MORN4: variants seen among roughly 807,000 people sequenced by gnomAD.
The protein encoded by MORN4 is MORN repeat-containing protein 4.
A neutral mutation model predicts 16.4 loss-of-function variants in MORN4; 8 were observed. That is an observed-to-expected ratio of 0.49 (90% CI 0.29 to 0.88). MORN4 has a LOEUF of 0.88. Ranked by LOEUF, MORN4 falls within the 40% of genes least tolerant of loss-of-function variation. The pLI, the probability that MORN4 is intolerant of heterozygous loss-of-function variation, is 0.09. For synonymous variants in MORN4, 53 were observed against 68.9 expected (o/e 0.77, Z 1.14); for missense variants, 159 against 182.9 (o/e 0.87, Z 0.75).
At chr10:97,620,767 C>T (rs1589919307) in intron 1 of MORN4, among the ~76,000 whole-genome samples, 1 of 151,980 alleles carries the variant, frequency 6.6e-6, no homozygotes, top group South Asian at 2.1e-4. Flanking sequence ...CACTTGAGCC[C>T]AGGAGTTCAA....
At chr10:97,625,298 A>G (rs6584138) in intron 1 of MORN4, among the ~76,000 whole-genome samples, 3 of 151,842 alleles carry the variant, frequency 2.0e-5, no homozygotes, top group Admixed American at 1.3e-4. Flanking sequence ...GAGTTCAAAT[A>G]TGAGTTCACT....
intron 1 of MORN4, among the ~76,000 whole-genome samples, chr10:97,622,896 T>C: frequency 6.6e-6 from 1 of 150,722 alleles, no homozygotes; most frequent in South Asian, 2.1e-4. Context: ...TATTTATTTA[T>C]TTTTTAGAGA....
Position 97,615,198 on chromosome 10 carries a change from G to A in MORN4, c.*1065C>T, listed in dbSNP as rs1363858586. The A allele has an allele frequency of 6.6e-6, 1 of 152,542 alleles. No individual in the cohort carries two copies. Among genetic ancestry groups the A allele is most frequent in the Non-Finnish European group, 1.5e-5 (1 of 68,044 alleles). 9.4% of individuals were successfully genotyped at this position (152,542 alleles called of 1,614,324 possible). On this transcript the variant is annotated 3_prime_UTR_variant, in exon 5 of 5. Coordinates refer to ENST00000307450, the MANE Select transcript of MORN4 (RefSeq NM_178832.4). ...ATAGCACTCTTACCGAATCCTTCAC[G>A]GGGACATAGGCAGGAATGAATACCA...
intron 1 of MORN4, among the ~76,000 whole-genome samples, chr10:97,627,085 G>A (rs1206380870): frequency 1.3e-5 from 2 of 151,854 alleles, no homozygotes; most frequent in African/African-American, 4.8e-5. Context: ...TTGTTTAATG[G>A]AGACTGGTGC....
At chr10:97,623,976 TC>T (rs1398159207) in intron 1 of MORN4, among the ~76,000 whole-genome samples, 3 of 152,090 alleles carry the variant, frequency 2.0e-5, no homozygotes, top group Non-Finnish European at 2.9e-5. Context: ...GACCTCGTGA[TC>T]CGCCCGCCTT....
chr10:97,628,744 C>T (rs1423795302), intron 1 of MORN4, among the ~76,000 whole-genome samples: 3 of 152,256 alleles, frequency 2.0e-5, no homozygotes, highest in African/African-American at 7.2e-5. Context: ...GTTGGCCAGG[C>T]TGGTCTCAAA....
chr10:97,631,040 C>T (rs1482118550), intron 1 of MORN4, among the ~76,000 whole-genome samples: 12 of 152,136 alleles, frequency 7.9e-5, no homozygotes, highest in Non-Finnish European at 1.6e-4. Context: ...TTGGTAGAGA[C>T]AGGGTTTTAC....
chr10:97,634,094 AGTT>A (rs1371682328), upstream of MORN4, among the ~76,000 whole-genome samples: 2 of 152,088 alleles, frequency 1.3e-5, no homozygotes, highest in Non-Finnish European at 2.9e-5. Flanking sequence ...TGAGCCCAAG[AGTT>A]CTAGATCAGC....
intron 1 of MORN4, among the ~76,000 whole-genome samples, chr10:97,625,474 C>T (rs985564752): frequency 5.3e-5 from 8 of 152,128 alleles, no homozygotes; most frequent in South Asian, 2.1e-4. Flanking sequence ...ATGACACACA[C>T]GTAAGTACCT....
At chr10:97,622,269 T>G (rs1380737588) in intron 1 of MORN4, among the ~76,000 whole-genome samples, 1 of 152,090 alleles carries the variant, frequency 6.6e-6, no homozygotes, top group Non-Finnish European at 1.5e-5. Context: ...GTCTGGGAGA[T>G]CACAGTATAA....
chr10:97,624,983 G>A (rs1233797193), intron 1 of MORN4, among the ~76,000 whole-genome samples: 2 of 152,138 alleles, frequency 1.3e-5, no homozygotes, highest in Non-Finnish European at 2.9e-5. Flanking sequence ...GTGAGTCACC[G>A]CACACGGCAT....
intron 1 of MORN4, among the ~76,000 whole-genome samples, chr10:97,631,891 T>G (rs1047000578): frequency 6.6e-6 from 1 of 152,118 alleles, no homozygotes; most frequent in East Asian, 1.9e-4. Context: ...GAGCAGTGAC[T>G]GCACCACACC....
intron 1 of MORN4, among the ~76,000 whole-genome samples, chr10:97,629,800 G>C (rs1343390301): frequency 3.3e-5 from 5 of 151,906 alleles, no homozygotes; most frequent in Non-Finnish European, 7.4e-5. Flanking sequence ...GCTTTGTCAC[G>C]CTGGGTGGAG....
At chr10:97,626,089 A>C (rs1380066860) in intron 1 of MORN4, among the ~76,000 whole-genome samples, 1 of 147,732 alleles carries the variant, frequency 6.8e-6, no homozygotes, top group Non-Finnish European at 1.5e-5. Context: ...TTTTTTAAAG[A>C]GAACAAGCGG....
intron 1 of MORN4, among the ~76,000 whole-genome samples, chr10:97,622,693 CAAA>C (rs1322656539): frequency 1.8e-5 from 1 of 55,878 alleles, no homozygotes; most frequent in Admixed American, 2.0e-4. Flanking sequence ...GACCCTGTCT[CAAA>C]AAAAAAAAAA....
At chr10:97,622,739 AC>A (rs1238556939) in intron 1 of MORN4, among the ~76,000 whole-genome samples, 21 of 150,446 alleles carry the variant, frequency 1.4e-4, no homozygotes, top group Non-Finnish European at 2.5e-4. Flanking sequence ...GAATTAAGAT[AC>A]CCCCCAAAAT....
Position 97,616,366 on chromosome 10 carries a change from T to C in MORN4, c.338A>G (p.Glu113Gly). 3 of 1,612,570 alleles carry C rather than the reference T, an allele frequency of 1.9e-6. 1 individual carries two copies. The South Asian group carries it at 3.3e-5, about 18-fold the overall frequency. The change falls in exon 5 of 5, where the codon GAA becomes GGA. Residue 113 changes from glutamate (E) to glycine (G), a missense_variant. Transcript: ENST00000307450. ...CAGCTTGTTGTTCTCAAAGAGACCTTCATTGCGGGGGATTCCATGAGAACC... is the reference window on the plus strand; with the variant it reads ...CAGCTTGTTGTTCTCAAAGAGACCTCCATTGCGGGGGATTCCATGAGAACC... ...PDGSHGIPRN[E>G]GLFENNKLLR... is the part of the protein sequence containing the mutation.
rs117516037 is a variant in MORN4 at position 97,633,260 on chromosome 10, C to G, written c.-31+87G>C. Reference sequence around the variant, plus strand: ...TCCGAGGTGGAGCCGCGCCCCCGAGCCGGGTCATCTCGTGCTCCGTTCCTC... The same window carrying G: ...TCCGAGGTGGAGCCGCGCCCCCGAGGCGGGTCATCTCGTGCTCCGTTCCTC... On this transcript the variant is annotated intron_variant, in intron 1 of 4. Coordinates refer to ENST00000307450, the MANE Select transcript of MORN4 (RefSeq NM_178832.4). The surrounding 1 kb of genome is among the most constrained non-coding windows in gnomAD (Gnocchi z 4.5). 3 of 1,237,810 alleles carry G rather than the reference C, an allele frequency of 2.4e-6. No homozygotes were observed. In the East Asian group the frequency reaches 1.7e-4, roughly 71 times the overall value. 76.7% of individuals were successfully genotyped at this position (1,237,810 alleles called of 1,614,324 possible). A position where few individuals can be genotyped will look rare whatever the true frequency, so the allele number is the denominator to read the frequency against.
chr10:97,623,539 A>G (rs2041322064), intron 1 of MORN4, among the ~76,000 whole-genome samples: 1 of 152,132 alleles, frequency 6.6e-6, no homozygotes, highest in Non-Finnish European at 1.5e-5. Flanking sequence ...TTCTCCTCAG[A>G]GTACTGGGGC....
Sources: allele counts gnomAD v4.1 joint callset (sites outside exome capture counted in the v4.1 genomes callset), GRCh38; gene constraint gnomAD v4.1.1; non-coding constraint Gnocchi (gnomAD v3.1); transcripts MANE v1.5; gene names NCBI Gene and HGNC (gene_info 2026-07-23, HGNC 2026-07-21).